The following SLC2A9 variants were observed in gnomAD, a reference collection of about 807,000 sequenced individuals.
SLC2A9 encodes solute carrier family 2, facilitated glucose transporter member 9.
A neutral mutation model predicts 50.6 loss-of-function variants in SLC2A9; 39 were observed. That is an observed-to-expected ratio of 0.77 (90% confidence interval 0.60 to 1.01). The LOEUF is 1.01. SLC2A9 is among the 50% of genes least tolerant of loss of function. The pLI is 0.00. For missense variants in SLC2A9, 686 were observed against 677.6 expected (o/e 1.01, Z -0.14); for synonymous variants, 324 against 276.9 (o/e 1.17, Z -1.69).
chr4:9,971,367 T>G (rs1031411052), intron 5 of SLC2A9, among the ~76,000 whole-genome samples: 2 of 152,352 alleles, frequency 1.3e-5, no homozygotes, highest in African/African-American at 4.8e-5. Context: ...ACCTATTACT[T>G]GTTAAATTTC....
chr4:9,896,729 T>C (rs896025788), intron 8 of SLC2A9, among the ~76,000 whole-genome samples: 9 of 152,216 alleles, frequency 5.9e-5, no homozygotes, highest in African/African-American at 2.2e-4. Context: ...AGATACGTGG[T>C]CCATTTTGAG....
At chr4:9,780,781 T>C (rs1718247653) in intron 3 of SLC2A9, among the ~76,000 whole-genome samples, 1 of 152,178 alleles carries the variant, frequency 6.6e-6, no homozygotes, top group Admixed American at 6.5e-5. Flanking sequence ...CTTTATTGTT[T>C]TCCATCATTC....
At position 10,032,339 on chromosome 4, in the gene SLC2A9, T is replaced by C. The variant is rs1421161577; in HGVS notation, c.-40-6333A>G. 2.0e-5 allele frequency among the ~76,000 whole-genome samples: 3 copies of C among 152,066 alleles called. No individual in the cohort carries two copies. The East Asian group carries it at 5.8e-4, about 29-fold the overall frequency. ...CAGAAGGAGCAGCAAGGGCCAGGGC[T>C]GGAAAGAGCTTGTGTGTGAGGGTTT... On this transcript the variant is annotated intron_variant, in intron 1 of 12. Coordinates refer to the SLC2A9 transcript ENST00000309065.
intron 10 of SLC2A9, among the ~76,000 whole-genome samples, chr4:9,838,443 G>A (rs772288177): frequency 2.0e-5 from 3 of 152,110 alleles, no homozygotes; most frequent in African/African-American, 4.8e-5. Context: ...AGCAATTTAT[G>A]AATTCAATGT....
At chr4:10,025,125 T>A (rs756961694), upstream of SLC2A9, among the ~76,000 whole-genome samples, 6 of 152,226 alleles carry the variant, frequency 3.9e-5, no homozygotes, top group Non-Finnish European at 8.8e-5. Flanking sequence ...TGGACTTGTG[T>A]TGATCTCTGT....
Position 9,996,816 on chromosome 4 carries a change from C to G in SLC2A9, c.375G>C (p.Thr125=), listed in dbSNP as rs10939650. The change falls in exon 3 of 12, where the codon ACG becomes ACC. Residue 125 remains threonine (T), a synonymous_variant. Coordinates refer to ENST00000264784, the MANE Select transcript of SLC2A9 (RefSeq NM_020041.3). ...CCTTTCCAATCATCTTCACAATTAA[C>G]GTCCCCACAAGTCCACCGATGGCGA... ...SIFAIGGLVG[T]LIVKMIGKVL... The G allele has an allele frequency of 8.7e-6, 14 of 1,613,764 alleles. No homozygotes were observed. The highest frequency in any genetic ancestry group is 1.0e-5 in the Non-Finnish European group (12 of 1,179,908).
At chr4:10,017,294 G>C (rs1762780697) in intron 2 of SLC2A9, among the ~76,000 whole-genome samples, 1 of 152,148 alleles carries the variant, frequency 6.6e-6, no homozygotes, top group African/African-American at 2.4e-5. Context: ...TGAGTGCAAA[G>C]GTTCTCCCCC....
intron 3 of SLC2A9, among the ~76,000 whole-genome samples, chr4:9,809,779 A>G (rs999527340): frequency 2.6e-5 from 4 of 152,108 alleles, no homozygotes; most frequent in Non-Finnish European, 5.9e-5. Context: ...GGATATTGCT[A>G]TTACTATCAA....
chr4:10,010,702 G>A (rs1400299040), intron 2 of SLC2A9, among the ~76,000 whole-genome samples: 2 of 152,164 alleles, frequency 1.3e-5, no homozygotes, highest in South Asian at 2.1e-4. Flanking sequence ...TTTCCCCCAA[G>A]CTACAGGCCA....
chr4:9,880,012 C>A (rs1734935357), intron 10 of SLC2A9: 17 of 985,322 alleles, frequency 1.7e-5, no homozygotes, highest in Non-Finnish European at 2.0e-5. Flanking sequence ...CTGGCCCTCT[C>A]CTGGGAGATC....
chr4:9,951,346 G>T (rs1185467367), intron 5 of SLC2A9, among the ~76,000 whole-genome samples: 1 of 152,160 alleles, frequency 6.6e-6, no homozygotes, highest in Non-Finnish European at 1.5e-5. Flanking sequence ...GAGAAGGGTG[G>T]TGGGGTGAGA....
intron 10 of SLC2A9, among the ~76,000 whole-genome samples, chr4:9,867,828 C>G (rs753773986): frequency 6.6e-6 from 1 of 152,204 alleles, no homozygotes; most frequent in South Asian, 2.1e-4. Context: ...GACTGCCCCC[C>G]TATGCAGGGG....
chr4:9,805,686 AGTT>A (rs1722023186), intron 3 of SLC2A9, among the ~76,000 whole-genome samples: 1 of 67,918 alleles, frequency 1.5e-5, no homozygotes, highest in African/African-American at 6.5e-5. Context: ...GCAGGGTGTC[AGTT>A]TTTTTTTTTT....
intron 3 of SLC2A9, among the ~76,000 whole-genome samples, chr4:9,802,283 A>T (rs1220738606): frequency 2.3e-5 from 3 of 130,538 alleles, no homozygotes; most frequent in African/African-American, 7.7e-5. Context: ...TTTTTTTTTT[A>T]AACTAGAGCT....
chr4:9,866,615 C>T (rs963413101), intron 10 of SLC2A9, among the ~76,000 whole-genome samples: 3 of 152,150 alleles, frequency 2.0e-5, no homozygotes, highest in Non-Finnish European at 2.9e-5. Context: ...GGGCTGAGAC[C>T]TGGGATCCCA....
At chr4:9,991,025 C>G (rs1407399117) in intron 3 of SLC2A9, among the ~76,000 whole-genome samples, 1 of 152,210 alleles carries the variant, frequency 6.6e-6, no homozygotes, top group Admixed American at 6.5e-5. Flanking sequence ...AGGTGGATCC[C>G]CCTTTCCCAG....
At chr4:9,878,233 C>A (rs1169940869) in intron 10 of SLC2A9, among the ~76,000 whole-genome samples, 1 of 152,042 alleles carries the variant, frequency 6.6e-6, no homozygotes, top group African/African-American at 2.4e-5. Flanking sequence ...CTTGGGATTT[C>A]TGGAGTAACA....
chr4:9,777,627 G>T (rs375307748), downstream of SLC2A9, among the ~76,000 whole-genome samples: 1 of 152,202 alleles, frequency 6.6e-6, no homozygotes, highest in Non-Finnish European at 1.5e-5. Flanking sequence ...GTTGGGCACA[G>T]AATCCCCTTT....
chr4:9,990,796 T>C (rs1460239234), intron 3 of SLC2A9, among the ~76,000 whole-genome samples: 3 of 152,194 alleles, frequency 2.0e-5, no homozygotes, highest in African/African-American at 7.2e-5. Context: ...TTATGTCCCA[T>C]CATGAACCCA....
Sources: gnomAD v4.1 joint callset for allele counts (sites outside exome capture counted in the v4.1 genomes callset) on GRCh38, gnomAD v4.1.1 for gene constraint, MANE v1.5 for transcripts, NCBI Gene and HGNC (gene_info 2026-07-23, HGNC 2026-07-21) for gene names.